The following SYNPO2 variants were observed in gnomAD, a reference collection of about 807,000 sequenced individuals.
The protein encoded by SYNPO2 is synaptopodin 2, also known as synaptopodin-2.
SYNPO2 carries 56 observed loss-of-function variants against 85.0 expected under a neutral mutation model. That is an observed-to-expected ratio of 0.66 (90% CI 0.53 to 0.82). The LOEUF is 0.82. SYNPO2 is among the 40% of genes least tolerant of loss of function. The pLI is 0.00. For synonymous variants in SYNPO2, 602 were observed against 591.1 expected (o/e 1.02, Z -0.27); for missense variants, 1,575 against 1,534.2 (o/e 1.03, Z -0.44).
intron 1 of SYNPO2, among the ~76,000 whole-genome samples, chr4:118,851,878 A>G (rs1489986353): frequency 1.3e-5 from 2 of 151,604 alleles, no homozygotes; most frequent in Non-Finnish European, 2.9e-5. Flanking sequence ...GGTGGGGGAA[A>G]GGGCATATTT....
chr4:118,851,053 C>A (rs1236483267), intron 1 of SYNPO2: 27 of 397,822 alleles, frequency 6.8e-5, no homozygotes, highest in Non-Finnish European at 1.1e-4. Context: ...AGCTTTTACT[C>A]ATACCTTTCA....
In SYNPO2 at chr4:118,881,159, G is replaced by A. The variant is rs370235099; in HGVS notation, c.12+30219G>A. Among the ~76,000 whole-genome samples the A allele has an allele frequency of 2.2e-3, 338 of 152,062 alleles. 2 individuals are homozygous for A. The highest frequency in any genetic ancestry group is 7.4e-3 in the African/African-American group (309 of 41,478). ...CTACTAAAAATACAAAAAATTAGCC[G>A]GGTGTAGTGGCGGGCGCCTGTAGTT... On this transcript the variant is annotated intron_variant, in intron 1 of 4. Coordinates refer to the SYNPO2 transcript ENST00000610556.
chr4:118,988,895 T>A (rs1042933763), intron 1 of SYNPO2, among the ~76,000 whole-genome samples: 3 of 152,110 alleles, frequency 2.0e-5, no homozygotes, highest in Non-Finnish European at 4.4e-5. Flanking sequence ...GGTCTCCACA[T>A]CTTGACAGAA....
Position 119,031,684 on chromosome 4 carries a change from A to T in SYNPO2, c.2909A>T (p.Tyr970Phe). 1.2e-6 allele frequency: 2 copies of T among 1,614,202 alleles called. No homozygotes were observed. Among genetic ancestry groups the T allele is most frequent in the Non-Finnish European group, 1.7e-6 (2 of 1,180,032 alleles). The change falls in exon 4 of 5, where the codon TAT (tyrosine) becomes TTT (phenylalanine). Residue 970 changes from tyrosine to phenylalanine, a missense_variant. Tyr to Phe is a conservative substitution (Grantham distance 22, BLOSUM62 3). Around this residue, in one of 3 missense-constraint regions of SYNPO2, gnomAD observed 1,508 missense variants for 1,446.8 expected, o/e 1.04. Coordinates refer to ENST00000307142, the MANE Select transcript of SYNPO2 (RefSeq NM_133477.3). ...TTAGATGTCATGAAGCACCAACCGT[A>T]TCAGCTCAATGCATCCTTGTTTACT... The part of the protein sequence containing the change: ...NALDVMKHQP[Y>F]QLNASLFTFQ...
chr4:118,966,223 G>A (rs997721460), intron 1 of SYNPO2, among the ~76,000 whole-genome samples: 12 of 152,098 alleles, frequency 7.9e-5, no homozygotes, highest in Non-Finnish European at 5.9e-5. Context: ...AGAAAGAAAC[G>A]GGAAATAGAA....
At chr4:118,871,263 TTTTC>T (rs1320959871) in intron 1 of SYNPO2, among the ~76,000 whole-genome samples, 6 of 151,912 alleles carry the variant, frequency 3.9e-5, no homozygotes, top group Admixed American at 6.6e-5. Flanking sequence ...TTTATTTTTC[TTTTC>T]TTTATTTCTT....
intron 1 of SYNPO2, among the ~76,000 whole-genome samples, chr4:118,925,469 C>T (rs888881755): frequency 6.6e-5 from 10 of 152,022 alleles, no homozygotes; most frequent in Admixed American, 2.6e-4. Flanking sequence ...TTATCGTCAC[C>T]TATGTCTCAG....
At chr4:119,025,322 T>C (rs1394893297) in intron 2 of SYNPO2, among the ~76,000 whole-genome samples, 1 of 152,254 alleles carries the variant, frequency 6.6e-6, no homozygotes, top group African/African-American at 2.4e-5. Flanking sequence ...TTTAACAATG[T>C]ATTTAACATT....
chr4:119,032,370 TCAAA>T, intron 4 of SYNPO2: 1 of 1,216,512 alleles, frequency 8.2e-7, no homozygotes, highest in Non-Finnish European at 1.0e-6. Context: ...ATCAGTGATA[TCAAA>T]CATCAGGAAT....
intron 1 of SYNPO2, among the ~76,000 whole-genome samples, chr4:118,920,663 A>C (rs1225007733): frequency 2.6e-5 from 4 of 152,174 alleles, no homozygotes; most frequent in Non-Finnish European, 5.9e-5. Context: ...TAATGTAAGA[A>C]ATATGTATTC....
intron 1 of SYNPO2, among the ~76,000 whole-genome samples, chr4:119,015,613 G>A (rs1737495425): frequency 6.6e-6 from 1 of 151,998 alleles, no homozygotes; most frequent in Non-Finnish European, 1.5e-5. Context: ...AATGCCTCAG[G>A]TTCAATTATA....
chr4:119,026,132 C>T lies in SYNPO2; in HGVS notation c.258-495C>T, dbSNP rs569384730. Among the ~76,000 whole-genome samples, 157 of 152,290 alleles carry T rather than the reference C, an allele frequency of 1.0e-3. 1 individual carries two copies. Among genetic ancestry groups the T allele is most frequent in the African/African-American group, 3.6e-3 (150 of 41,570 alleles). On this transcript the variant is annotated intron_variant, in intron 2 of 4. Transcript: ENST00000307142. Reference sequence around the variant, plus strand: ...CTCACTGGGGCTTAAAAAACAGCTTCTATTTCATTCCTTTCAAGAAAGCAC... The same window carrying T: ...CTCACTGGGGCTTAAAAAACAGCTTTTATTTCATTCCTTTCAAGAAAGCAC...
chr4:119,001,978 A>G (rs1736839370), intron 1 of SYNPO2, among the ~76,000 whole-genome samples: 2 of 152,172 alleles, frequency 1.3e-5, no homozygotes, highest in African/African-American at 4.8e-5. Flanking sequence ...ACCCTTCTCC[A>G]GTCCCTACTT....
At chr4:119,045,581 A>C (rs567887187) in intron 4 of SYNPO2, among the ~76,000 whole-genome samples, 1 of 152,222 alleles carries the variant, frequency 6.6e-6, no homozygotes, top group Non-Finnish European at 1.5e-5. Context: ...AACTTTTTAT[A>C]TATACTATTC....
chr4:119,008,714 AG>A (rs553552440), intron 1 of SYNPO2, among the ~76,000 whole-genome samples: 111 of 152,322 alleles, frequency 7.3e-4, no homozygotes, highest in African/African-American at 2.2e-3. Context: ...TTCCTTTAAA[AG>A]CATAATTTAT....
chr4:119,020,878 A>G (rs937898279), intron 1 of SYNPO2, among the ~76,000 whole-genome samples: 2 of 152,204 alleles, frequency 1.3e-5, no homozygotes, highest in African/African-American at 4.8e-5. Context: ...CATGCAAGAT[A>G]AAACAAAACA....
chr4:119,047,111 A>G (rs771862302), intron 4 of SYNPO2, among the ~76,000 whole-genome samples: 8 of 152,164 alleles, frequency 5.3e-5, no homozygotes, highest in Non-Finnish European at 7.3e-5. Context: ...CCCAGGCTAG[A>G]GTGCAATGGC....
chr4:118,929,172 G>T (rs1013380631), intron 1 of SYNPO2, among the ~76,000 whole-genome samples: 4 of 151,978 alleles, frequency 2.6e-5, no homozygotes, highest in Non-Finnish European at 1.5e-5. Context: ...AAAAAGGAAA[G>T]GATGGAGGGA....
In SYNPO2 at chr4:118,888,989, TTCGTC is replaced by T; in HGVS notation, c.-46_-42del. 7 of 1,597,492 alleles carry T rather than the reference TTCGTC, an allele frequency of 4.4e-6. No homozygotes were observed. The highest frequency in any genetic ancestry group is 6.0e-6 in the Non-Finnish European group (7 of 1,166,184). On this transcript the variant is annotated 5_prime_UTR_variant, in exon 1 of 5. Transcript: ENST00000307142. ...TGCGCATCCTCTACCGCACCCAAGC[TTCGTC>T]TGTCTCGTCAAGCTCTTCATGCTGC...
Sources: gnomAD v4.1 joint callset for allele counts (sites outside exome capture counted in the v4.1 genomes callset) on GRCh38, gnomAD v4.1.1 for gene constraint, gnomAD v4.1.1 regional missense constraint, MANE v1.5 for transcripts, NCBI Gene and HGNC (gene_info 2026-07-23, HGNC 2026-07-21) for gene names.